AMPH: variants seen among roughly 807,000 people sequenced by gnomAD.
AMPH encodes amphiphysin, also known as amphiphysin (Stiff-Mann syndrome with breast cancer 128kD autoantigen).
A neutral mutation model predicts 99.1 loss-of-function variants in AMPH; 49 were observed. The observed-to-expected ratio is 0.49, with a 90% confidence interval of 0.39 to 0.63. AMPH has a LOEUF of 0.63. Ranked by LOEUF, AMPH falls within the 20% of genes least tolerant of loss-of-function variation. AMPH has a pLI of 0.00. For missense variants in AMPH, 759 were observed against 863.4 expected (o/e 0.88, Z 1.52); for synonymous variants, 314 against 317.3 (o/e 0.99, Z 0.11).
intron 20 of AMPH, among the ~76,000 whole-genome samples, chr7:38,386,088 G>T (rs535177894): frequency 1.3e-5 from 2 of 150,138 alleles, no homozygotes; most frequent in Admixed American, 1.3e-4. Context: ...ATATAGACAA[G>T]AAATATAAGT....
At chr7:38,433,775 G>A (rs1051340483) in intron 12 of AMPH, among the ~76,000 whole-genome samples, 2 of 148,518 alleles carry the variant, frequency 1.3e-5, no homozygotes, top group African/African-American at 5.0e-5. Context: ...GCTAGTGCAT[G>A]TCTCTGTATA....
At chr7:38,583,063 T>C (rs1010424327) in intron 1 of AMPH, among the ~76,000 whole-genome samples, 2 of 152,252 alleles carry the variant, frequency 1.3e-5, no homozygotes, top group African/African-American at 4.8e-5. Flanking sequence ...ATTATTTTAA[T>C]AAAAGATTAA....
intron 1 of AMPH, among the ~76,000 whole-genome samples, chr7:38,576,659 T>C (rs1014954631): frequency 8.5e-5 from 13 of 152,180 alleles, no homozygotes; most frequent in Non-Finnish European, 1.6e-4. Flanking sequence ...GGGTTGCTCA[T>C]TGTTCTTTTC....
intron 2 of AMPH, among the ~76,000 whole-genome samples, chr7:38,534,064 G>C (rs1375029429): frequency 2.0e-5 from 3 of 151,896 alleles, no homozygotes; most frequent in Admixed American, 2.0e-4. Context: ...TCTCCCCAAG[G>C]AGTCTTTTAA....
chr7:38,584,459 G>A (rs74600199), intron 1 of AMPH, among the ~76,000 whole-genome samples: 2,571 of 152,262 alleles, frequency 0.017, 62 homozygotes, highest in African/African-American at 0.052. Context: ...ATGAGATGTC[G>A]CCGCAGTGAG....
chr7:38,522,723 T>G (rs1790014503), intron 2 of AMPH, among the ~76,000 whole-genome samples: 1 of 152,104 alleles, frequency 6.6e-6, no homozygotes, highest in Non-Finnish European at 1.5e-5. Context: ...GGAGGCTGGT[T>G]ACATAAGGGA....
chr7:38,475,066 C>T (rs2129014109), intron 7 of AMPH, among the ~76,000 whole-genome samples: 2 of 152,226 alleles, frequency 1.3e-5, no homozygotes, highest in East Asian at 3.9e-4. Flanking sequence ...CAGCTACTAG[C>T]CACAGGTGGT....
chr7:38,461,494 T>G (rs1284488019), intron 10 of AMPH, 83 bp from the exon 11 acceptor site: 2 of 1,539,404 alleles, frequency 1.3e-6, no homozygotes, highest in African/African-American at 2.7e-5. Context: ...CAGAGCTACA[T>G]GGACAGATTG....
At chr7:38,593,991 G>T (rs905436673) in intron 1 of AMPH, among the ~76,000 whole-genome samples, 1 of 152,166 alleles carries the variant, frequency 6.6e-6, no homozygotes, top group Non-Finnish European at 1.5e-5. Flanking sequence ...CGGACAACAT[G>T]GAGAGCCAAC....
At chr7:38,585,189 C>T (rs1382366297) in intron 1 of AMPH, among the ~76,000 whole-genome samples, 1 of 152,092 alleles carries the variant, frequency 6.6e-6, no homozygotes, top group Non-Finnish European at 1.5e-5. Flanking sequence ...GCATAGATAC[C>T]ACTATTATTC....
chr7:38,587,928 G>GTC, intron 1 of AMPH, among the ~76,000 whole-genome samples: 1 of 148,696 alleles, frequency 6.7e-6, no homozygotes, highest in Non-Finnish European at 1.5e-5. Context: ...GTGTGTGTGT[G>GTC]TGTGTGTGTG....
intron 1 of AMPH, among the ~76,000 whole-genome samples, chr7:38,572,568 C>T (rs981782776): frequency 6.6e-6 from 1 of 152,136 alleles, no homozygotes; most frequent in Admixed American, 6.6e-5. Context: ...AAGGCTGTTC[C>T]CATATCTGAG....
At chr7:38,518,250 T>G (rs936873160) in intron 2 of AMPH, among the ~76,000 whole-genome samples, 2 of 152,188 alleles carry the variant, frequency 1.3e-5, no homozygotes, top group Non-Finnish European at 2.9e-5. Context: ...ATAAAAAGCT[T>G]GGAACTCAGG....
intron 17 of AMPH, among the ~76,000 whole-genome samples, chr7:38,415,658 T>C (rs1030203650): frequency 3.0e-4 from 46 of 152,186 alleles, no homozygotes; most frequent in African/African-American, 1.0e-3. Flanking sequence ...AGTATGTCCA[T>C]GTTAAAAACA....
chr7:38,525,400 C>A (rs1388790267), intron 2 of AMPH, among the ~76,000 whole-genome samples: 3 of 146,274 alleles, frequency 2.1e-5, no homozygotes, highest in Non-Finnish European at 4.5e-5. Flanking sequence ...ATGCAACCTA[C>A]CCATCTTATT....
At chr7:38,573,890 T>C (rs1428398928) in intron 1 of AMPH, among the ~76,000 whole-genome samples, 1 of 152,190 alleles carries the variant, frequency 6.6e-6, no homozygotes, top group Non-Finnish European at 1.5e-5. Flanking sequence ...TTCATGACTG[T>C]CCTAAGGAAG....
chr7:38,496,797 A>G (rs1447311918), intron 3 of AMPH, among the ~76,000 whole-genome samples: 2 of 152,162 alleles, frequency 1.3e-5, no homozygotes, highest in Non-Finnish European at 2.9e-5. Flanking sequence ...AACTTCTGGC[A>G]TTTTCTTTAA....
At chr7:38,407,048 C>CTCTCTCTCTATATA (rs1241166935) in intron 17 of AMPH, among the ~76,000 whole-genome samples, 2 of 31,262 alleles carry the variant, frequency 6.4e-5, no homozygotes, top group Non-Finnish European at 1.2e-4. Context: ...CTCTCTCTCT[C>CTCTCTCTCTATATA]TATATATATA....
chr7:38,520,158 T>C (rs1789900157), intron 2 of AMPH, among the ~76,000 whole-genome samples: 1 of 151,020 alleles, frequency 6.6e-6, no homozygotes, highest in Non-Finnish European at 1.5e-5. Flanking sequence ...TAAAACATTC[T>C]GTTGGAATTA....
Sources: allele counts gnomAD v4.1 joint callset (sites outside exome capture counted in the v4.1 genomes callset), GRCh38; gene constraint gnomAD v4.1.1; transcripts MANE v1.5; gene names NCBI Gene and HGNC (gene_info 2026-07-23, HGNC 2026-07-21).